CACNA2D3: variants seen among roughly 807,000 people sequenced by gnomAD.
CACNA2D3 encodes calcium voltage-gated channel auxiliary subunit alpha2delta 3.
A neutral mutation model predicts 160.6 loss-of-function variants in CACNA2D3; 60 were observed. That is an observed-to-expected ratio of 0.37 (90% CI 0.30 to 0.46). The LOEUF (loss-of-function observed/expected upper bound fraction) is 0.46. Among genes scored for constraint, CACNA2D3 ranks in the 20% least tolerant of loss-of-function variants. The pLI is 1.00. For synonymous variants in CACNA2D3, 558 were observed against 492.9 expected (o/e 1.13, Z -1.75); for missense variants, 1,205 against 1,365.0 (o/e 0.88, Z 1.85).
At chr3:54,381,291 C>T (rs867510741) in intron 3 of CACNA2D3, among the ~76,000 whole-genome samples, 7 of 152,018 alleles carry the variant, frequency 4.6e-5, no homozygotes, top group South Asian at 4.2e-4. Context: ...TTGTCCCTAC[C>T]GCCCATTTTA....
At chr3:54,858,970 A>G (rs1699227643) in intron 17 of CACNA2D3, among the ~76,000 whole-genome samples, 1 of 152,346 alleles carries the variant, frequency 6.6e-6, no homozygotes, top group Admixed American at 6.5e-5. Context: ...ATATATTTAA[A>G]AGATAATTAG....
intron 35 of CACNA2D3, among the ~76,000 whole-genome samples, chr3:55,020,725 C>G (rs1015964037): frequency 6.6e-6 from 1 of 151,906 alleles, no homozygotes; most frequent in Non-Finnish European, 1.5e-5. Flanking sequence ...GTGGCGGGCA[C>G]CTGTAATCCC....
intron 4 of CACNA2D3, among the ~76,000 whole-genome samples, chr3:54,388,306 C>A (rs1429709773): frequency 6.6e-6 from 1 of 152,192 alleles, no homozygotes; most frequent in Non-Finnish European, 1.5e-5. Flanking sequence ...CAAGTACTCT[C>A]TTGCTTTCTT....
intron 10 of CACNA2D3, chr3:54,639,172 A>G (rs905097236): frequency 5.3e-5 from 8 of 151,854 alleles, no homozygotes; most frequent in African/African-American, 1.7e-4. Flanking sequence ...GCCCCCTAGG[A>G]AAGCGGGACT....
At chr3:54,958,940 C>T (rs780714041) in intron 27 of CACNA2D3, among the ~76,000 whole-genome samples, 5 of 151,880 alleles carry the variant, frequency 3.3e-5, no homozygotes, top group Non-Finnish European at 5.9e-5. Context: ...CCTGTCTCTA[C>T]AAAAAACACA....
intron 27 of CACNA2D3, among the ~76,000 whole-genome samples, chr3:54,910,229 T>C (rs868718014): frequency 1.3e-5 from 2 of 152,356 alleles, no homozygotes; most frequent in African/African-American, 2.4e-5. Flanking sequence ...ACATCGTGTA[T>C]GGTCATAGTA....
intron 4 of CACNA2D3, among the ~76,000 whole-genome samples, chr3:54,443,700 G>A (rs1700178368): frequency 6.6e-6 from 1 of 152,106 alleles, no homozygotes; most frequent in African/African-American, 2.4e-5. Flanking sequence ...TCCTCACTGG[G>A]TCGGCTACAT....
chr3:54,523,630 C>T (rs1251336836), intron 5 of CACNA2D3, among the ~76,000 whole-genome samples: 8 of 151,924 alleles, frequency 5.3e-5, no homozygotes, highest in Admixed American at 5.2e-4. Context: ...TAGAATTTAC[C>T]AGTGGCCCTG....
chr3:54,668,443 G>A (rs138479141), intron 11 of CACNA2D3, among the ~76,000 whole-genome samples: 1 of 152,110 alleles, frequency 6.6e-6, no homozygotes, highest in Non-Finnish European at 1.5e-5. Flanking sequence ...GTTCACCTCC[G>A]CCATTGTTCA....
intron 3 of CACNA2D3, among the ~76,000 whole-genome samples, chr3:54,381,883 A>G (rs1699108091): frequency 6.6e-6 from 1 of 152,250 alleles, no homozygotes; most frequent in African/African-American, 2.4e-5. Context: ...ATAAAAAGCC[A>G]GTGAAATGTG....
chr3:54,546,666 G>A (rs1238064003), intron 5 of CACNA2D3, among the ~76,000 whole-genome samples: 2 of 150,310 alleles, frequency 1.3e-5, no homozygotes, highest in Admixed American at 6.6e-5. Context: ...CCAACCAACT[G>A]CGTATCATGA....
intron 4 of CACNA2D3, among the ~76,000 whole-genome samples, chr3:54,501,128 G>A (rs1701287838): frequency 6.6e-6 from 1 of 152,166 alleles, no homozygotes; most frequent in South Asian, 2.1e-4. Flanking sequence ...TCCCATTCAT[G>A]AGGGAGGAGC....
chr3:54,227,097 T>C (rs1353432828), intron 2 of CACNA2D3, among the ~76,000 whole-genome samples: 2 of 152,218 alleles, frequency 1.3e-5, no homozygotes, highest in Non-Finnish European at 2.9e-5. Context: ...ATTGTGAAGA[T>C]GGCAGAACAT....
At chr3:54,292,012 C>T (rs1161128966) in intron 2 of CACNA2D3, among the ~76,000 whole-genome samples, 1 of 152,078 alleles carries the variant, frequency 6.6e-6, no homozygotes. Flanking sequence ...GAAACAAACC[C>T]TCACAAATCT....
At chr3:54,869,849 T>C (rs1250199108) in intron 17 of CACNA2D3, among the ~76,000 whole-genome samples, 2 of 152,204 alleles carry the variant, frequency 1.3e-5, no homozygotes, top group African/African-American at 4.8e-5. Context: ...ACAGGAACTT[T>C]CCTTAACAAG....
intron 13 of CACNA2D3, among the ~76,000 whole-genome samples, chr3:54,766,142 A>G (rs1702219524): frequency 6.6e-6 from 1 of 152,030 alleles, no homozygotes; most frequent in African/African-American, 2.4e-5. Context: ...ATCAACAACA[A>G]AAAAAAACTT....
intron 13 of CACNA2D3, among the ~76,000 whole-genome samples, chr3:54,802,661 C>T (rs556704988): frequency 2.6e-5 from 4 of 152,312 alleles, no homozygotes; most frequent in African/African-American, 9.6e-5. Context: ...GCAGTAACCT[C>T]TGCAGACTTA....
chr3:54,757,370 A>C (rs1048312409), intron 12 of CACNA2D3, among the ~76,000 whole-genome samples: 2 of 152,104 alleles, frequency 1.3e-5, no homozygotes, highest in Non-Finnish European at 2.9e-5. Context: ...GTGGCCTGAG[A>C]CTTCCTGGAA....
rs182506995 is a variant in CACNA2D3 at position 54,148,129 on chromosome 3, G to A, written c.204+24535G>A. 1.4e-3 allele frequency among the ~76,000 whole-genome samples: 216 copies of A among 152,304 alleles called. 2 individuals are homozygous for A. Among genetic ancestry groups the A allele is most frequent in the African/African-American group, 4.9e-3 (204 of 41,578 alleles). On this transcript the variant is annotated intron_variant, in intron 2 of 37. Transcript: ENST00000474759. ...AGGTTTTTATGCCACTGGCTTCCGC[G>A]ATGGCCCAAACATGCTCCTTGACAT...
Sources: gnomAD v4.1 joint callset for allele counts (sites outside exome capture counted in the v4.1 genomes callset) on GRCh38, gnomAD v4.1.1 for gene constraint, MANE v1.5 for transcripts, NCBI Gene and HGNC (gene_info 2026-07-23, HGNC 2026-07-21) for gene names.